The following EAF2 variants were observed in gnomAD, a reference collection of about 807,000 sequenced individuals.
EAF2 encodes the protein ELL-associated factor 2.
A neutral mutation model predicts 29.4 loss-of-function variants in EAF2; 29 were observed. That is an observed-to-expected ratio of 0.99 (90% CI 0.73 to 1.35). EAF2 has a LOEUF of 1.35. Among genes scored for constraint, EAF2 ranks in the 40% most tolerant of loss-of-function variants. EAF2 has a pLI of 0.00. For missense variants in EAF2, 292 were observed against 312.0 expected (o/e 0.94, Z 0.48); for synonymous variants, 103 against 102.5 (o/e 1.00, Z -0.03).
chr3:121,845,881 G>A (rs1559818302), intron 2 of EAF2, among the ~76,000 whole-genome samples: 1 of 152,106 alleles, frequency 6.6e-6, no homozygotes, highest in Non-Finnish European at 1.5e-5. Flanking sequence ...ACAAATATAA[G>A]TTCTTTGTTG....
chr3:121,881,394 T>C (rs1709188451), intron 5 of EAF2, among the ~76,000 whole-genome samples: 1 of 152,208 alleles, frequency 6.6e-6, no homozygotes, highest in South Asian at 2.1e-4. Context: ...TTACTTGTAC[T>C]TGACCTGTTC....
chr3:121,864,755 T>G (rs1487364394), intron 4 of EAF2, among the ~76,000 whole-genome samples: 2 of 152,098 alleles, frequency 1.3e-5, no homozygotes, highest in African/African-American at 4.8e-5. Flanking sequence ...AGGTCAAGCC[T>G]GCAGTGAGTC....
intron 5 of EAF2, among the ~76,000 whole-genome samples, chr3:121,877,665 A>C (rs1380589576): frequency 6.6e-6 from 1 of 151,988 alleles, no homozygotes; most frequent in Non-Finnish European, 1.5e-5. Context: ...AAAAAATTGA[A>C]TACTGTTATG....
In EAF2 at chr3:121,853,525, C is replaced by A. The variant is rs142566645; in HGVS notation, c.202-1162C>A. The stretch of plus-strand genomic sequence containing the variant: ...TCACACTGAAGCCTAGAACTCCTGG[C>A]TTCAAGCTGTCCTCCTGCTTCAGCA... On this transcript the variant is annotated intron_variant, in intron 2 of 5. Coordinates refer to ENST00000273668, the MANE Select transcript of EAF2 (RefSeq NM_018456.6). 6.8e-3 allele frequency among the ~76,000 whole-genome samples: 1,040 copies of A among 152,250 alleles called. 14 individuals are homozygous for A. The highest frequency in any genetic ancestry group is 0.024 in the African/African-American group (979 of 41,572).
chr3:121,865,454 C>T (rs1298905575), intron 4 of EAF2, among the ~76,000 whole-genome samples: 1 of 152,120 alleles, frequency 6.6e-6, no homozygotes, highest in African/African-American at 2.4e-5. Context: ...ATGGTTGAAT[C>T]ACCTTTTCAG....
intron 5 of EAF2, among the ~76,000 whole-genome samples, chr3:121,884,594 A>AT (rs1709250034): frequency 6.6e-6 from 1 of 151,188 alleles, no homozygotes; most frequent in Non-Finnish European, 1.5e-5. Flanking sequence ...TGCCCAGCTA[A>AT]TTTTGTATTT....
At chr3:121,874,069 G>A (rs1248501525) in intron 5 of EAF2, among the ~76,000 whole-genome samples, 1 of 151,766 alleles carries the variant, frequency 6.6e-6, no homozygotes, top group Non-Finnish European at 1.5e-5. Context: ...TTAGCACATG[G>A]TACTTGACAC....
intron 1 of EAF2, among the ~76,000 whole-genome samples, chr3:121,840,482 T>C (rs1363470218): frequency 3.0e-5 from 2 of 66,626 alleles, no homozygotes; most frequent in African/African-American, 1.4e-4. Context: ...AGAGGGAGAC[T>C]TCGTCTAAAA....
At chr3:121,872,836 G>A (rs756821261) in intron 5 of EAF2, 48 bp downstream of exon 5, 3 of 1,573,502 alleles carry the variant, frequency 1.9e-6, no homozygotes, top group South Asian at 1.2e-5. Context: ...AATTTATAGT[G>A]GAGCCATATT....
intron 2 of EAF2, among the ~76,000 whole-genome samples, chr3:121,848,659 A>G (rs919040286): frequency 1.1e-4 from 17 of 152,084 alleles, no homozygotes; most frequent in African/African-American, 2.9e-4. Context: ...GGGATTTTGA[A>G]TTGGTAAATA....
At position 121,869,996 on chromosome 3, in the gene EAF2, G is replaced by A. The variant is rs370381333; in HGVS notation, c.485-2541G>A. Among the ~76,000 whole-genome samples, 21 of 152,278 alleles carry A rather than the reference G, an allele frequency of 1.4e-4. No individual in the cohort carries two copies. The East Asian group carries it at 1.9e-3, about 14-fold the overall frequency. ...AAAACTGCCAAAACTCAACTAAGGCGAAGTAAGCAACTTGAATAGTGCTAT... is the reference window on the plus strand; with the variant it reads ...AAAACTGCCAAAACTCAACTAAGGCAAAGTAAGCAACTTGAATAGTGCTAT... On this transcript the variant is annotated intron_variant, in intron 4 of 5. Coordinates refer to ENST00000273668, the MANE Select transcript of EAF2 (RefSeq NM_018456.6).
At chr3:121,876,010 T>A (rs1442815339) in intron 5 of EAF2, among the ~76,000 whole-genome samples, 1 of 151,940 alleles carries the variant, frequency 6.6e-6, no homozygotes, top group Non-Finnish European at 1.5e-5. Context: ...GAGGAGATAG[T>A]GTAAAAACTT....
intron 4 of EAF2, 67 bp from the exon 5 acceptor site, chr3:121,872,470 C>A: frequency 8.2e-7 from 1 of 1,221,668 alleles, no homozygotes; most frequent in South Asian, 1.8e-5. Flanking sequence ...CTAATACATT[C>A]AATTTTTATT....
At chr3:121,880,455 G>GGTGTGTGTGTGTGTGT (rs58834177) in intron 5 of EAF2, among the ~76,000 whole-genome samples, 12 of 142,962 alleles carry the variant, frequency 8.4e-5, no homozygotes, top group African/African-American at 2.9e-4. Flanking sequence ...AGTGTTTTGG[G>GGTGTGTGTGTGTGTGT]GTGTGTGTGT....
intron 2 of EAF2, among the ~76,000 whole-genome samples, chr3:121,853,251 G>T (rs767417863): frequency 6.6e-6 from 1 of 151,968 alleles, no homozygotes; most frequent in Non-Finnish European, 1.5e-5. Context: ...ATAATACTTC[G>T]TCCATAGTCA....
At chr3:121,885,672 A>G (rs944919284) in intron 5 of EAF2, among the ~76,000 whole-genome samples, 8 of 152,096 alleles carry the variant, frequency 5.3e-5, no homozygotes, top group African/African-American at 1.9e-4. Context: ...TCACCTCCAC[A>G]TTCTCCATTT....
rs1284011255 is a variant in EAF2, at chr3:121,836,709, C to G, written c.106+1318C>G. On this transcript the variant is annotated intron_variant, in intron 1 of 5. Transcript: ENST00000273668. ...TTTCTCTCTCTTCAGTCCCATTTTC[C>G]GGAAGTGTGATATGCGTCTTTATCT... The G allele has an allele frequency of 3.0e-6, 3 of 987,618 alleles. No individual in the cohort carries two copies. The African/African-American group carries it at 5.2e-5, about 17-fold the overall frequency. 61.2% of individuals were successfully genotyped at this position (987,618 alleles called of 1,614,324 possible).
intron 3 of EAF2, among the ~76,000 whole-genome samples, chr3:121,856,616 T>G (rs1708723135): frequency 1.3e-5 from 2 of 152,134 alleles, no homozygotes; most frequent in Admixed American, 1.3e-4. Context: ...ATAGCTGAGA[T>G]TACAGGTGTG....
At chr3:121,882,114 C>T (rs1709199232) in intron 5 of EAF2, among the ~76,000 whole-genome samples, 2 of 151,926 alleles carry the variant, frequency 1.3e-5, no homozygotes, top group African/African-American at 4.8e-5. Context: ...TTTGGGAGGA[C>T]GAGGCAGGTG....
Sources: allele counts gnomAD v4.1 joint callset (sites outside exome capture counted in the v4.1 genomes callset), GRCh38; gene constraint gnomAD v4.1.1; transcripts MANE v1.5; gene names NCBI Gene and HGNC (gene_info 2026-07-23, HGNC 2026-07-21).